NCKAP5: variants seen among roughly 807,000 people sequenced by gnomAD.
NCKAP5 encodes the protein NCK associated protein 5.
NCKAP5 carries 92 observed loss-of-function variants against 167.0 expected under a neutral mutation model. The ratio of observed to expected loss-of-function variants is 0.55; its 90% CI spans 0.47 to 0.66. The LOEUF is 0.66. Among genes scored for constraint, NCKAP5 ranks in the 30% least tolerant of loss-of-function variants. NCKAP5 has a pLI of 0.00. For synonymous variants in NCKAP5, 891 were observed against 877.4 expected, an observed-to-expected ratio of 1.02 and a Z score of -0.27; for missense variants, 2,378 against 2,315.0, an observed-to-expected ratio of 1.03 and a Z score of -0.56.
the NCKAP5 span, among the ~76,000 whole-genome samples, chr2:133,615,330 C>T: frequency 6.6e-6 from 1 of 151,324 alleles, no homozygotes; most frequent in East Asian, 1.9e-4. Flanking sequence ...GGACTAAATG[C>T]TCCAATTAAA....
chr2:132,948,660 T>A (rs1369709185), intron 8 of NCKAP5, among the ~76,000 whole-genome samples: 3 of 152,134 alleles, frequency 2.0e-5, no homozygotes, highest in African/African-American at 7.2e-5. Flanking sequence ...AGCCCCTTAA[T>A]TCAATGCCAG....
In NCKAP5 at chr2:132,914,893, T is replaced by C. The variant is rs529530495; in HGVS notation, c.580-35977A>G. On this transcript the variant is annotated intron_variant, in intron 8 of 19. Transcript: ENST00000409261. ...TCCTTAGAGCAACACTGCTGTATGA[T>C]GACATCCCAGAAAGATCATAGCTCT... is the stretch of plus-strand genomic sequence containing the variant. Among the ~76,000 whole-genome samples, 186 of 151,000 alleles carry C rather than the reference T, an allele frequency of 1.2e-3. 2 individuals carry two copies. The highest frequency in any genetic ancestry group is 1.7e-3 in the Non-Finnish European group (118 of 67,918).
At chr2:133,261,333 C>T (rs1188601930) in intron 4 of NCKAP5, among the ~76,000 whole-genome samples, 2 of 152,192 alleles carry the variant, frequency 1.3e-5, no homozygotes, top group African/African-American at 2.4e-5. Context: ...CTCTCCTTTG[C>T]AACCCACAGT....
intron 6 of NCKAP5, among the ~76,000 whole-genome samples, chr2:133,065,129 G>A (rs986876856): frequency 6.6e-6 from 1 of 151,802 alleles, no homozygotes; most frequent in Non-Finnish European, 1.5e-5. Flanking sequence ...AGCCACCAGA[G>A]TAAGCAAAAA....
intron 1 of NCKAP5, among the ~76,000 whole-genome samples, chr2:133,559,635 C>T: frequency 6.6e-6 from 1 of 152,164 alleles, no homozygotes; most frequent in East Asian, 1.9e-4. Flanking sequence ...GAAATTACTA[C>T]ATTTTATGGA....
intron 6 of NCKAP5, among the ~76,000 whole-genome samples, chr2:133,113,090 C>T (rs113635372): frequency 0.016 from 2,407 of 152,250 alleles, 75 homozygotes; most frequent in African/African-American, 0.054. Flanking sequence ...ACAGTCGCTC[C>T]GGCCACTCAC....
intron 6 of NCKAP5, among the ~76,000 whole-genome samples, chr2:132,998,495 TA>T (rs1009634444): frequency 6.6e-6 from 1 of 152,172 alleles, no homozygotes; most frequent in Non-Finnish European, 1.5e-5. Context: ...TAACCCTTGG[TA>T]AAAAATCAAG....
intron 11 of NCKAP5, among the ~76,000 whole-genome samples, chr2:132,835,445 T>C (rs1687821158): frequency 6.6e-6 from 1 of 152,224 alleles, no homozygotes; most frequent in African/African-American, 2.4e-5. Context: ...ATGATTTTTG[T>C]CTTTTATCTT....
intron 6 of NCKAP5, among the ~76,000 whole-genome samples, chr2:133,100,067 G>A (rs912551240): frequency 1.3e-5 from 2 of 152,150 alleles, no homozygotes; most frequent in Non-Finnish European, 2.9e-5. Context: ...TCTCTAAAGT[G>A]CAGTTGAAAA....
At position 133,271,010 on chromosome 2, in the gene NCKAP5, C is replaced by G. The variant is rs528888991; in HGVS notation, c.143+32027G>C. ...TCTCAGCTGAGTGCAAGCTCTGCCT[C>G]CCGGGTTCACGTCATTCTCCTGCCT... is the stretch of plus-strand genomic sequence containing the variant. On this transcript the variant is annotated intron_variant, in intron 4 of 19. Transcript: ENST00000409261. Among the ~76,000 whole-genome samples the G allele has an allele frequency of 1.1e-3, 165 of 150,520 alleles. 1 individual carries two copies. The highest frequency in any genetic ancestry group is 3.9e-3 in the African/African-American group (160 of 40,902).
intron 8 of NCKAP5, among the ~76,000 whole-genome samples, chr2:132,909,569 T>C (rs1037918950): frequency 2.6e-5 from 4 of 152,174 alleles, no homozygotes; most frequent in African/African-American, 9.7e-5. Flanking sequence ...TGAGATAATA[T>C]CCAGTACTTG....
At chr2:133,544,776 T>C (rs1686520520) in intron 2 of NCKAP5, among the ~76,000 whole-genome samples, 1 of 152,190 alleles carries the variant, frequency 6.6e-6, no homozygotes, top group Admixed American at 6.5e-5. Flanking sequence ...TAAATCACTG[T>C]CTCCTTCCTG....
chr2:132,902,718 A>T (rs1693722262), intron 8 of NCKAP5, among the ~76,000 whole-genome samples: 1 of 152,248 alleles, frequency 6.6e-6, no homozygotes, highest in Non-Finnish European at 1.5e-5. Flanking sequence ...CTTACCAAGA[A>T]GCTGCTCTCA....
intron 3 of NCKAP5, among the ~76,000 whole-genome samples, chr2:133,310,711 A>G (rs1323096456): frequency 2.0e-5 from 3 of 152,150 alleles, no homozygotes; most frequent in Admixed American, 2.0e-4. Context: ...GTGTCCTCCA[A>G]CACCTACCAC....
At chr2:132,685,615 C>T (rs982264962) in intron 19 of NCKAP5, among the ~76,000 whole-genome samples, 1 of 152,136 alleles carries the variant, frequency 6.6e-6, no homozygotes, top group Admixed American at 6.5e-5. Flanking sequence ...CTTTACTAGG[C>T]CCTGGAACTA....
Position 132,895,193 on chromosome 2 carries a change from T to C in NCKAP5, c.580-16277A>G, listed in dbSNP as rs1360500064. Reference sequence around the variant, plus strand: ...AAAAATACAAAAAATTAGCCGGGCGTGGTGGCGGGCGCCTGTAGTCCCAGC... The same window carrying C: ...AAAAATACAAAAAATTAGCCGGGCGCGGTGGCGGGCGCCTGTAGTCCCAGC... On this transcript the variant is annotated intron_variant, in intron 8 of 19. Coordinates refer to ENST00000409261, the MANE Select transcript of NCKAP5 (RefSeq NM_207363.3). 4.0e-5 allele frequency among the ~76,000 whole-genome samples: 6 copies of C among 151,398 alleles called. No individual in the cohort carries two copies. The East Asian group carries it at 7.8e-4, about 20-fold the overall frequency.
intron 6 of NCKAP5, among the ~76,000 whole-genome samples, chr2:133,087,337 T>G (rs1374010012): frequency 1.3e-5 from 2 of 152,070 alleles, no homozygotes; most frequent in African/African-American, 4.8e-5. Flanking sequence ...AAAAGAACAG[T>G]CTAAAAAAAT....
chr2:133,421,353 G>C (rs1032986967), intron 3 of NCKAP5, among the ~76,000 whole-genome samples: 1 of 151,896 alleles, frequency 6.6e-6, no homozygotes, highest in Non-Finnish European at 1.5e-5. Context: ...CATTAACATC[G>C]AATAGTGCTT....
chr2:133,413,613 A>T (rs1688913985), intron 3 of NCKAP5, among the ~76,000 whole-genome samples: 1 of 150,434 alleles, frequency 6.6e-6, no homozygotes. Flanking sequence ...AAAAAAAAAA[A>T]TTTAATGAGC....
Sources: gnomAD v4.1 joint callset for allele counts (sites outside exome capture counted in the v4.1 genomes callset) on GRCh38, gnomAD v4.1.1 for gene constraint, MANE v1.5 for transcripts, NCBI Gene and HGNC (gene_info 2026-07-23, HGNC 2026-07-21) for gene names.